Variants in SEC31A observed in about 807,000 individuals in gnomAD.
The protein encoded by SEC31A is SEC31 homolog A, COPII component, also known as protein transport protein Sec31A.
Under a neutral mutation model 151.0 loss-of-function variants are expected in SEC31A, and 70 were observed. That is an observed-to-expected ratio of 0.46 (90% CI 0.38 to 0.57). SEC31A has a LOEUF of 0.57. Ranked by LOEUF, SEC31A falls within the 20% of genes least tolerant of loss-of-function variation. SEC31A has a pLI of 0.00. For missense variants in SEC31A, 1,330 were observed against 1,471.2 expected, an observed-to-expected ratio of 0.90 and a Z score of 1.57; for synonymous variants, 475 against 505.9, an observed-to-expected ratio of 0.94 and a Z score of 0.82.
At chr4:82,865,827 T>C (rs1388116180) in intron 10 of SEC31A, among the ~76,000 whole-genome samples, 1 of 152,074 alleles carries the variant, frequency 6.6e-6, no homozygotes, top group African/African-American at 2.4e-5. Flanking sequence ...AGTTTCAGTT[T>C]TGCAAGATGA....
chr4:82,835,489 A>C (rs1726988151), intron 22 of SEC31A, among the ~76,000 whole-genome samples: 2 of 152,202 alleles, frequency 1.3e-5, no homozygotes, highest in South Asian at 4.1e-4. Flanking sequence ...AAAATGGTTC[A>C]TGGTGTAATA....
chr4:82,844,038 A>C (rs1414912868), intron 21 of SEC31A: 1 of 261,710 alleles, frequency 3.8e-6, no homozygotes, highest in Non-Finnish European at 7.1e-6. Flanking sequence ...TTCCAAAAAT[A>C]ATTTGTGTCA....
At chr4:82,844,848 C>T (rs192349241) in intron 20 of SEC31A, among the ~76,000 whole-genome samples, 113 of 151,958 alleles carry the variant, frequency 7.4e-4, no homozygotes, top group Non-Finnish European at 1.4e-3. Context: ...AGTATAAATG[C>T]CATAAAGGGA....
Position 82,851,557 on chromosome 4 carries a change from A to G in SEC31A, c.2202T>C (p.Thr734=). Residue 734 remains threonine (T), a synonymous_variant, in exon 19 of 27, where the codon ACT becomes ACC. Transcript: ENST00000395310. ...VVILRKAVQL[T]QAMDTSTVGV... is the part of the protein sequence containing the mutation. ...CTACAGTACTAGTGTCCATGGCTTG[A>G]GTGAGTTGCACAGCTTTTCGCAGGA... is the stretch of plus-strand genomic sequence containing the variant. 8.7e-6 allele frequency: 14 copies of G among 1,613,354 alleles called. No homozygotes were observed. The highest frequency in any genetic ancestry group is 1.2e-5 in the Non-Finnish European group (14 of 1,179,594).
chr4:82,897,229 T>A (rs762073733), intron 3 of SEC31A, among the ~76,000 whole-genome samples: 7 of 152,218 alleles, frequency 4.6e-5, no homozygotes, highest in Non-Finnish European at 7.3e-5. Flanking sequence ...TATTAGGGTG[T>A]AGCTGCCCCT....
rs555303942 is a variant in SEC31A at position 82,833,397 on chromosome 4, G to T, written c.2969-4339C>A. Among the ~76,000 whole-genome samples, 11 of 152,214 alleles carry T rather than the reference G, an allele frequency of 7.2e-5. No individual in the cohort carries two copies. In the South Asian group the frequency reaches 2.3e-3, roughly 32 times the overall value. On this transcript the variant is annotated intron_variant, in intron 22 of 26. Coordinates refer to ENST00000395310, the MANE Select transcript of SEC31A (RefSeq NM_001077207.4). ...AGGGAGGGGAACATCACACACTGGGGCCTGTGGGGGGCTAGGGGAGGGATA... is the reference window on the plus strand; with the variant it reads ...AGGGAGGGGAACATCACACACTGGGTCCTGTGGGGGGCTAGGGGAGGGATA...
At chr4:82,870,225 C>T in intron 8 of SEC31A, 100 bp downstream of exon 8, 1 of 825,208 alleles carries the variant, frequency 1.2e-6, no homozygotes, top group African/African-American at 1.7e-5. Flanking sequence ...ATACTCTTCA[C>T]ATAGTAATCC....
chr4:82,870,518 T>C lies in SEC31A; in HGVS notation c.783-94A>G, dbSNP rs1324423634. ...TAGGTTTTGTAGATTCACACATTGTTAACAGAAATACAATTAAATGCAAGA... is the reference window on the plus strand; with the variant it reads ...TAGGTTTTGTAGATTCACACATTGTCAACAGAAATACAATTAAATGCAAGA... On this transcript the variant is annotated intron_variant, in intron 7 of 26. Transcript: ENST00000395310. The C allele has an allele frequency of 4.1e-6, 4 of 978,716 alleles. 1 individual carries two copies. Among genetic ancestry groups the C allele is most frequent in the African/African-American group, 3.2e-5 (2 of 61,604 alleles). The allele number at this position is 978,716 out of a possible 1,614,324, so 60.6% of individuals were successfully genotyped here.
In SEC31A at chr4:82,821,082, G is replaced by C. The variant is rs1293526633; in HGVS notation, c.3438C>G (p.Ala1146=). The change falls in exon 26 of 27, where the codon GCC becomes GCG. Residue 1146 remains alanine (A), a synonymous_variant. Coordinates refer to ENST00000395310, the MANE Select transcript of SEC31A (RefSeq NM_001077207.4). ...CATACAGAAACTCCAAACGTTTGCT[G>C]GCATCATCTAGCTTCCTCTTGGTTT... ...DPQTKRKLDD[A]SKRLEFLYDK... The C allele has an allele frequency of 1.2e-6, 2 of 1,613,758 alleles. No homozygotes were observed. Among genetic ancestry groups the C allele is most frequent in the African/African-American group, 2.7e-5 (2 of 74,894 alleles).
At chr4:82,856,388 A>AC (rs1255590619) in intron 16 of SEC31A, among the ~76,000 whole-genome samples, 6 of 148,122 alleles carry the variant, frequency 4.1e-5, no homozygotes, top group Non-Finnish European at 6.0e-5. Flanking sequence ...TGACCTCGTG[A>AC]CCCCCCCACC....
chr4:82,844,316 C>T (rs1314316585), intron 21 of SEC31A, 70 bp downstream of exon 21: 15 of 1,511,524 alleles, frequency 9.9e-6, no homozygotes, highest in Non-Finnish European at 1.1e-5. Context: ...GACTTTGGGG[C>T]TTCAAAGTAA....
At chr4:82,845,207 G>T in intron 20 of SEC31A, 1 of 1,527,246 alleles carries the variant, frequency 6.5e-7, no homozygotes, top group Non-Finnish European at 8.8e-7. Context: ...ATACCTGTGT[G>T]TCAGAGGGAG....
chr4:82,827,847 C>T (rs1275795846), intron 23 of SEC31A, among the ~76,000 whole-genome samples: 3 of 151,102 alleles, frequency 2.0e-5, no homozygotes, highest in African/African-American at 7.3e-5. Context: ...ATAGGGAGCT[C>T]AAACCTGGAC....
chr4:82,823,128 AC>A (rs1233528894), intron 25 of SEC31A, among the ~76,000 whole-genome samples: 1 of 152,178 alleles, frequency 6.6e-6, no homozygotes, highest in Non-Finnish European at 1.5e-5. Flanking sequence ...GTTCTCTACT[AC>A]CCAGAGCTCC....
At chr4:82,886,869 A>G (rs1377083339) in intron 1 of SEC31A, among the ~76,000 whole-genome samples, 1 of 152,182 alleles carries the variant, frequency 6.6e-6, no homozygotes, top group African/African-American at 2.4e-5. Context: ...CAGTTGCCTT[A>G]TGTGCTATCT....
intron 10 of SEC31A, among the ~76,000 whole-genome samples, chr4:82,865,864 C>G (rs1170409084): frequency 6.6e-6 from 1 of 151,924 alleles, no homozygotes; most frequent in African/African-American, 2.4e-5. Context: ...TGTTGCACAA[C>G]AACGTGTATA....
At chr4:82,888,542 T>C (rs1741482384) in intron 1 of SEC31A, among the ~76,000 whole-genome samples, 1 of 151,638 alleles carries the variant, frequency 6.6e-6, no homozygotes, top group Non-Finnish European at 1.5e-5. Context: ...ATACAAAAAT[T>C]AGCTGCGCGT....
At chr4:82,878,695 A>G in intron 4 of SEC31A, 35 bp downstream of exon 4, 1 of 1,548,774 alleles carries the variant, frequency 6.5e-7, no homozygotes, top group Non-Finnish European at 8.9e-7. Flanking sequence ...TGAGCAGCAC[A>G]TAGTCTAAGA....
chr4:82,852,333 C>A (rs750019383), intron 18 of SEC31A, among the ~76,000 whole-genome samples: 24 of 152,158 alleles, frequency 1.6e-4, no homozygotes, highest in Non-Finnish European at 1.2e-4. Context: ...CACCATCTAT[C>A]CTATAAAAAT....
Sources: gnomAD v4.1 joint callset for allele counts (sites outside exome capture counted in the v4.1 genomes callset) on GRCh38, gnomAD v4.1.1 for gene constraint, MANE v1.5 for transcripts, NCBI Gene and HGNC (gene_info 2026-07-23, HGNC 2026-07-21) for gene names.